Variants in CRHR2 observed in about 807,000 individuals in gnomAD.
CRHR2 encodes corticotropin releasing hormone receptor 2, also known as corticotropin-releasing hormone receptor 2.
Under a neutral mutation model 57.9 loss-of-function variants are expected in CRHR2, and 53 were observed. That is an observed-to-expected ratio of 0.92 (90% CI 0.73 to 1.15). The LOEUF (loss-of-function observed/expected upper bound fraction) is 1.15, where lower values mean the gene tolerates loss of function less well. Ranked by LOEUF, CRHR2 falls within the 50% of genes most tolerant of loss-of-function variation. CRHR2 has a pLI of 0.00. For missense variants in CRHR2, 532 were observed against 542.6 expected, an observed-to-expected ratio of 0.98 and a Z score of 0.19; for synonymous variants, 213 against 220.9, an observed-to-expected ratio of 0.96 and a Z score of 0.32.
At chr7:30,686,297 G>T, upstream of CRHR2, 2 of 1,389,144 alleles carry the variant, frequency 1.4e-6, no homozygotes, top group Non-Finnish European at 1.9e-6. Flanking sequence ...CTCCCCAAGG[G>T]CAGGGCTGGT....
intron 2 of CRHR2, among the ~76,000 whole-genome samples, chr7:30,667,734 T>C (rs1784230978): frequency 6.6e-6 from 1 of 152,222 alleles, no homozygotes. Flanking sequence ...ATAGCTACCA[T>C]TTATATAGCA....
intron 1 of CRHR2, among the ~76,000 whole-genome samples, chr7:30,691,349 C>A (rs1236736659): frequency 6.6e-6 from 1 of 152,214 alleles, no homozygotes; most frequent in Admixed American, 6.5e-5. Context: ...TAGGCAGATG[C>A]AGCCATTCCA....
intron 11 of CRHR2, 196 bp downstream of exon 11, chr7:30,654,843 C>T (rs1316279868): frequency 1.0e-5 from 16 of 1,544,414 alleles, no homozygotes; most frequent in Admixed American, 2.0e-5. Flanking sequence ...CATGTTATTT[C>T]GGGGCTGCAT....
At chr7:30,689,164 T>G in intron 2 of CRHR2, 1 of 1,541,306 alleles carries the variant, frequency 6.5e-7, no homozygotes, top group African/African-American at 1.4e-5. Flanking sequence ...CAGGGGCTGC[T>G]GCAGGGTGGT....
At chr7:30,692,230 G>A (rs1025281633) in intron 1 of CRHR2, among the ~76,000 whole-genome samples, 7 of 152,228 alleles carry the variant, frequency 4.6e-5, no homozygotes, top group Admixed American at 6.5e-5. Flanking sequence ...AGAGAGCTCA[G>A]TGATGGGAGG....
chr7:30,683,414 C>T (rs1157123622), upstream of CRHR2, among the ~76,000 whole-genome samples: 1 of 152,154 alleles, frequency 6.6e-6, no homozygotes, highest in Non-Finnish European at 1.5e-5. Context: ...GAGAACTTGC[C>T]CAGGCCCCCC....
intron 1 of CRHR2, among the ~76,000 whole-genome samples, chr7:30,697,111 G>A (rs1264624709): frequency 1.3e-5 from 2 of 152,226 alleles, no homozygotes; most frequent in Non-Finnish European, 2.9e-5. Context: ...CTCAGTGTGT[G>A]TATGTTAGGG....
At chr7:30,689,749 G>A (rs1784924891) in intron 1 of CRHR2, among the ~76,000 whole-genome samples, 1 of 152,250 alleles carries the variant, frequency 6.6e-6, no homozygotes, top group African/African-American at 2.4e-5. Flanking sequence ...TCTAGACTTA[G>A]AAAGTGCAGA....
At chr7:30,671,635 CAAAAAAAAAA>C (rs11305836) in intron 2 of CRHR2, among the ~76,000 whole-genome samples, 1 of 104,956 alleles carries the variant, frequency 9.5e-6, no homozygotes, top group Non-Finnish European at 2.0e-5. Flanking sequence ...CCCCATCTCT[CAAAAAAAAAA>C]AAAAAAAAAA....
intron 2 of CRHR2, among the ~76,000 whole-genome samples, chr7:30,675,270 T>TG (rs368777609): frequency 8.2e-4 from 125 of 152,250 alleles, no homozygotes; most frequent in African/African-American, 2.8e-3. Context: ...ATCACTGAGA[T>TG]GGGGCTCCTC....
intron 1 of CRHR2, among the ~76,000 whole-genome samples, chr7:30,697,337 C>T (rs1785077688): frequency 2.0e-5 from 3 of 152,178 alleles, no homozygotes; most frequent in African/African-American, 7.2e-5. Flanking sequence ...TGGACTTAGT[C>T]AGCAGGGGCT....
At chr7:30,669,569 TC>T (rs1332644359) in intron 2 of CRHR2, among the ~76,000 whole-genome samples, 1 of 152,052 alleles carries the variant, frequency 6.6e-6, no homozygotes, top group Non-Finnish European at 1.5e-5. Flanking sequence ...GGATTCTGTC[TC>T]CTCCTTTTCT....
chr7:30,694,481 A>G (rs1584145302), intron 1 of CRHR2, among the ~76,000 whole-genome samples: 1 of 152,200 alleles, frequency 6.6e-6, no homozygotes, highest in South Asian at 2.1e-4. Flanking sequence ...GGTCTGGCCC[A>G]GTCTAGTGTT....
At chr7:30,654,855 G>A in intron 11 of CRHR2, 184 bp downstream of exon 11, 3 of 1,547,280 alleles carry the variant, frequency 1.9e-6, no homozygotes, top group Non-Finnish European at 2.6e-6. Flanking sequence ...GGGCTGCATA[G>A]TTGACCTTCT....
chr7:30,682,525 T>C (rs1229815898), upstream of CRHR2: 3 of 1,243,078 alleles, frequency 2.4e-6, no homozygotes, highest in Non-Finnish European at 3.0e-6. Flanking sequence ...CCGCGGCCAA[T>C]GGCTGCGCCG....
Position 30,665,610 on chromosome 7 carries a change from G to T in CRHR2, c.345C>A (p.Ile115=). 6.4e-7 allele frequency: 1 copy of T among 1,561,012 alleles called. No homozygotes were observed. Among genetic ancestry groups the T allele is most frequent in the Non-Finnish European group, 8.7e-7 (1 of 1,151,588 alleles). ...GGCCCAGGTAGTTGACGACAAGGGC[G>T]ATGCGGTAGTGCAGGTCATACTTCC... ...KQRKYDLHYR[I]ALVVNYLGHC... The change falls in exon 4 of 12, where the codon ATC becomes ATA. Residue 115 remains isoleucine (I), a synonymous_variant. Coordinates refer to ENST00000471646, the MANE Select transcript of CRHR2 (RefSeq NM_001883.5). This position sits in a 1 kb window ranked among gnomAD's most constrained non-coding sequence, Gnocchi z 4.5.
chr7:30,659,672 G>A (rs1047095545), intron 8 of CRHR2, among the ~76,000 whole-genome samples: 2 of 152,178 alleles, frequency 1.3e-5, no homozygotes, highest in Non-Finnish European at 2.9e-5. Context: ...AAAGATGGAG[G>A]TCAAATGAAA....
chr7:30,664,024 C>G (rs1784101433), intron 5 of CRHR2, among the ~76,000 whole-genome samples: 1 of 152,230 alleles, frequency 6.6e-6, no homozygotes, highest in Non-Finnish European at 1.5e-5. Flanking sequence ...AGGTGGGAAG[C>G]TACCAAGCCC....
At chr7:30,687,657 C>CA (rs773651924) in intron 2 of CRHR2, among the ~76,000 whole-genome samples, 4 of 152,170 alleles carry the variant, frequency 2.6e-5, no homozygotes, top group Non-Finnish European at 4.4e-5. Context: ...AGAAGCTGAA[C>CA]AGGCAAGGCT....
Sources: allele counts gnomAD v4.1 joint callset (sites outside exome capture counted in the v4.1 genomes callset), GRCh38; gene constraint gnomAD v4.1.1; non-coding constraint Gnocchi (gnomAD v3.1); transcripts MANE v1.5; gene names NCBI Gene and HGNC (gene_info 2026-07-23, HGNC 2026-07-21).